PDE11A: variants seen among roughly 807,000 people sequenced by gnomAD.
PDE11A encodes phosphodiesterase 11A.
PDE11A carries 100 observed loss-of-function variants against 100.5 expected under a neutral mutation model. The ratio of observed to expected loss-of-function variants is 1.00; its 90% CI spans 0.85 to 1.18. The LOEUF (loss-of-function observed/expected upper bound fraction) is 1.18, where lower values mean the gene tolerates loss of function less well. Ranked by LOEUF, PDE11A falls within the 50% of genes most tolerant of loss-of-function variation. The pLI, the probability that PDE11A is intolerant of heterozygous loss-of-function variation, is 0.00. For synonymous variants in PDE11A, 381 were observed against 420.8 expected (o/e 0.91, Z 1.16); for missense variants, 1,141 against 1,152.6 (o/e 0.99, Z 0.15).
At chr2:178,067,464 A>G (rs1404247524) in intron 1 of PDE11A, among the ~76,000 whole-genome samples, 1 of 151,758 alleles carries the variant, frequency 6.6e-6, no homozygotes, top group Non-Finnish European at 1.5e-5. Flanking sequence ...AAATTAAACC[A>G]CTCACTCTCC....
At chr2:177,648,379 A>G (rs2080255513) in intron 19 of PDE11A, among the ~76,000 whole-genome samples, 1 of 152,096 alleles carries the variant, frequency 6.6e-6, no homozygotes, top group East Asian at 1.9e-4. Flanking sequence ...CAGTAGTTTT[A>G]TTTCATTTTT....
At chr2:177,765,489 T>C (rs2105496155) in intron 10 of PDE11A, among the ~76,000 whole-genome samples, 1 of 152,338 alleles carries the variant, frequency 6.6e-6, no homozygotes, top group East Asian at 1.9e-4. Flanking sequence ...TGCCTTAAAA[T>C]GTGACCACTG....
At chr2:177,997,807 G>A (rs2086095564) in intron 2 of PDE11A, 1 of 1,300,382 alleles carries the variant, frequency 7.7e-7, no homozygotes, top group African/African-American at 1.5e-5. Context: ...TGCTTCTTCT[G>A]GAGGGAGGGG....
At chr2:177,926,652 T>C (rs561365342) in intron 2 of PDE11A, among the ~76,000 whole-genome samples, 31 of 152,304 alleles carry the variant, frequency 2.0e-4, no homozygotes, top group Non-Finnish European at 2.2e-4. Flanking sequence ...CAAAGAGGAG[T>C]TGATAATTTC....
chr2:177,747,567 T>G (rs2081966908), intron 10 of PDE11A, among the ~76,000 whole-genome samples: 1 of 152,236 alleles, frequency 6.6e-6, no homozygotes, highest in Admixed American at 6.5e-5. Context: ...TGTTCCAAAC[T>G]GGTCTCTTGG....
intron 2 of PDE11A, among the ~76,000 whole-genome samples, chr2:177,980,492 G>C (rs1442202403): frequency 6.6e-6 from 1 of 150,824 alleles, no homozygotes; most frequent in Non-Finnish European, 1.5e-5. Context: ...GAAGACAGCT[G>C]TTCTCAGAAT....
chr2:177,980,435 C>A (rs2085866853), intron 2 of PDE11A, among the ~76,000 whole-genome samples: 1 of 150,684 alleles, frequency 6.6e-6, no homozygotes, highest in African/African-American at 2.4e-5. Flanking sequence ...CAAACTGTAA[C>A]ATAGACATAA....
At chr2:177,766,109 G>T (rs2082235273) in intron 10 of PDE11A, among the ~76,000 whole-genome samples, 1 of 152,096 alleles carries the variant, frequency 6.6e-6, no homozygotes, top group African/African-American at 2.4e-5. Flanking sequence ...TGGCGCCAGG[G>T]ACCAGTTTCA....
At chr2:177,814,188 C>T (rs919871769) in intron 9 of PDE11A, among the ~76,000 whole-genome samples, 1 of 151,942 alleles carries the variant, frequency 6.6e-6, no homozygotes, top group Non-Finnish European at 1.5e-5. Context: ...TGGGACTAAG[C>T]AAGTTATAAA....
chr2:177,993,385 G>A (rs1204577845), intron 2 of PDE11A, among the ~76,000 whole-genome samples: 1 of 149,848 alleles, frequency 6.7e-6, no homozygotes, highest in Non-Finnish European at 1.5e-5. Flanking sequence ...AAAAAAAAAT[G>A]TTTAGCTCTA....
intron 18 of PDE11A, among the ~76,000 whole-genome samples, 178 bp downstream of exon 18, chr2:177,669,315 A>G (rs1318093621): frequency 6.6e-6 from 1 of 152,172 alleles, no homozygotes. Context: ...CACCACTCTT[A>G]ATCAGAAACT....
intron 2 of PDE11A, among the ~76,000 whole-genome samples, chr2:177,985,619 G>A (rs1392392718): frequency 6.6e-6 from 1 of 152,168 alleles, no homozygotes; most frequent in Non-Finnish European, 1.5e-5. Context: ...GGCAATGCAA[G>A]AATTCTGAAC....
chr2:178,068,216 T>A (rs1268934724), intron 1 of PDE11A, among the ~76,000 whole-genome samples: 2 of 152,074 alleles, frequency 1.3e-5, no homozygotes, highest in East Asian at 3.8e-4. Flanking sequence ...CTGGACTGGA[T>A]ACCTAAAAAT....
intron 4 of PDE11A, 137 bp downstream of exon 4, chr2:177,897,921 T>G (rs2084634556): frequency 1.4e-6 from 1 of 719,404 alleles, no homozygotes; most frequent in African/African-American, 1.8e-5. Context: ...AAAAAACTTG[T>G]TTGATGAAAA....
intron 15 of PDE11A, among the ~76,000 whole-genome samples, chr2:177,696,376 C>A (rs1372566171): frequency 6.6e-6 from 1 of 152,002 alleles, no homozygotes; most frequent in Non-Finnish European, 1.5e-5. Context: ...AGAAACCTGC[C>A]AAGGATCTAG....
At chr2:177,845,592 G>A (rs980942069) in intron 5 of PDE11A, among the ~76,000 whole-genome samples, 5 of 151,988 alleles carry the variant, frequency 3.3e-5, no homozygotes, top group Admixed American at 2.6e-4. Flanking sequence ...GACGATGGGT[G>A]GCTGGGCAGA....
At chr2:177,789,374 T>C (rs1179363973) in intron 9 of PDE11A, among the ~76,000 whole-genome samples, 1 of 152,016 alleles carries the variant, frequency 6.6e-6, no homozygotes. Context: ...AATTAGGTAT[T>C]GATGGGACGT....
At chr2:177,796,046 A>AGTGATATATAT (rs1323228838) in intron 9 of PDE11A, among the ~76,000 whole-genome samples, 1 of 145,710 alleles carries the variant, frequency 6.9e-6, no homozygotes, top group African/African-American at 2.6e-5. Flanking sequence ...TATATCTTAA[A>AGTGATATATAT]GTGATATATA....
rs574658187 is a variant in PDE11A at position 178,097,366 on chromosome 2, A to G, written c.162+6936T>C. Reference sequence around the variant, plus strand: ...TGGAGGCCTCAGGAAACTCATAATCATGGAGAAAGATGAAGGGGAAGCAAG... The same window carrying G: ...TGGAGGCCTCAGGAAACTCATAATCGTGGAGAAAGATGAAGGGGAAGCAAG... On this transcript the variant is annotated intron_variant, in intron 2 of 20. Transcript: ENST00000358450. 5.9e-5 allele frequency among the ~76,000 whole-genome samples: 9 copies of G among 152,316 alleles called. No individual in the cohort carries two copies. The East Asian group carries it at 1.7e-3, about 29-fold the overall frequency.
Sources: gnomAD v4.1 joint callset for allele counts (sites outside exome capture counted in the v4.1 genomes callset) on GRCh38, gnomAD v4.1.1 for gene constraint, MANE v1.5 for transcripts, NCBI Gene and HGNC (gene_info 2026-07-23, HGNC 2026-07-21) for gene names.